Variants in ESRRG observed in about 807,000 individuals in gnomAD.
ESRRG encodes estrogen related receptor gamma.
ESRRG carries 13 observed loss-of-function variants against 44.0 expected under a neutral mutation model. The ratio of observed to expected loss-of-function variants is 0.30; its 90% CI spans 0.19 to 0.47. The LOEUF (loss-of-function observed/expected upper bound fraction) is 0.47. ESRRG is among the 20% of genes least tolerant of loss of function. The probability of loss-of-function intolerance (pLI) is 1.00; values close to 1 mark genes in which losing one functional copy is unlikely to be tolerated. For synonymous variants in ESRRG, 215 were observed against 214.6 expected, an observed-to-expected ratio of 1.00 and a Z score of -0.02; for missense variants, 395 against 580.6, an observed-to-expected ratio of 0.68 and a Z score of 3.29.
intron 1 of ESRRG, among the ~76,000 whole-genome samples, chr1:216,716,022 C>A (rs559431490): frequency 6.6e-6 from 1 of 151,996 alleles, no homozygotes; most frequent in East Asian, 1.9e-4. Flanking sequence ...ATTGAATATG[C>A]CATACAAAAA....
intron 5 of ESRRG, among the ~76,000 whole-genome samples, chr1:216,542,929 C>T (rs886277138): frequency 1.8e-4 from 28 of 152,040 alleles, no homozygotes; most frequent in South Asian, 1.7e-3. Flanking sequence ...CTCCCCCTTC[C>T]CCCCAAGCAC....
chr1:216,508,111 C>A (rs2041696938), intron 6 of ESRRG, among the ~76,000 whole-genome samples: 1 of 152,136 alleles, frequency 6.6e-6, no homozygotes. Flanking sequence ...AATTCTAGTT[C>A]TCTGAGAATG....
At chr1:216,680,202 C>A (rs2076800501) in intron 1 of ESRRG, among the ~76,000 whole-genome samples, 1 of 152,170 alleles carries the variant, frequency 6.6e-6, no homozygotes, top group Non-Finnish European at 1.5e-5. Flanking sequence ...TTATCAAGTG[C>A]TTATTATGTG....
intron 2 of ESRRG, among the ~76,000 whole-genome samples, chr1:216,775,551 C>CTTTTTTTTTTTTTTTTTTTTTT (rs71163765): frequency 2.7e-5 from 2 of 74,786 alleles, no homozygotes; most frequent in East Asian, 3.7e-4. Flanking sequence ...AATGTCACAT[C>CTTTTTTTTTTTTTTTTTTTTTT]TTTTTTTTTT....
At chr1:216,890,142 G>A (rs137998115) in intron 2 of ESRRG, among the ~76,000 whole-genome samples, 26 of 152,158 alleles carry the variant, frequency 1.7e-4, no homozygotes, top group African/African-American at 5.5e-4. Flanking sequence ...GTACATGACT[G>A]TAGTCCCAGT....
At chr1:216,558,565 A>C (rs1558482837) in intron 5 of ESRRG, among the ~76,000 whole-genome samples, 1 of 152,190 alleles carries the variant, frequency 6.6e-6, no homozygotes, top group Non-Finnish European at 1.5e-5. Flanking sequence ...CCTTGAAAAT[A>C]AAAATGAACA....
At chr1:216,838,140 C>T (rs946771843) in intron 2 of ESRRG, among the ~76,000 whole-genome samples, 2 of 152,100 alleles carry the variant, frequency 1.3e-5, no homozygotes, top group Non-Finnish European at 2.9e-5. Context: ...GGTGAAACAC[C>T]TTTCTCTTAC....
At chr1:216,802,114 C>A (rs2094640950) in intron 2 of ESRRG, among the ~76,000 whole-genome samples, 4 of 152,090 alleles carry the variant, frequency 2.6e-5, no homozygotes, top group Admixed American at 2.6e-4. Context: ...AAAGAGCAAA[C>A]CATCCAGTGT....
intron 1 of ESRRG, among the ~76,000 whole-genome samples, chr1:216,983,439 C>T (rs949592275): frequency 1.3e-5 from 2 of 151,698 alleles, no homozygotes; most frequent in Admixed American, 1.3e-4. Flanking sequence ...GCCATGTTGC[C>T]CAGACTGGTC....
intron 3 of ESRRG, among the ~76,000 whole-genome samples, chr1:216,601,925 C>T (rs1465961412): frequency 6.6e-6 from 1 of 152,172 alleles, no homozygotes; most frequent in Non-Finnish European, 1.5e-5. Context: ...AGCCCTACAA[C>T]CGATAGGGCC....
chr1:216,658,233 A>G lies in ESRRG; in HGVS notation c.473-7144T>C, dbSNP rs147565509. 8.4e-4 allele frequency among the ~76,000 whole-genome samples: 128 copies of G among 152,238 alleles called. 2 individuals are homozygous for G. In the East Asian group the frequency reaches 0.016, roughly 20 times the overall value. ...ATTCCTCCACTGTATTGAATGAAAA[A>G]TGCTTAGCTTTTAAAAATGCTATAA... On this transcript the variant is annotated intron_variant, in intron 2 of 6. Transcript: ENST00000408911.
chr1:216,707,094 T>G (rs1042374094), intron 1 of ESRRG, among the ~76,000 whole-genome samples: 17 of 152,342 alleles, frequency 1.1e-4, no homozygotes, highest in African/African-American at 3.6e-4. Flanking sequence ...TCAATAGTCA[T>G]TTACTTTGAT....
At chr1:217,084,050 G>A (rs1267372424) in intron 1 of ESRRG, among the ~76,000 whole-genome samples, 2 of 150,960 alleles carry the variant, frequency 1.3e-5, no homozygotes, top group Non-Finnish European at 2.9e-5. Context: ...TGTATGATAA[G>A]CAATTATACA....
chr1:216,818,929 G>A (rs1204361931), intron 2 of ESRRG, among the ~76,000 whole-genome samples: 1 of 152,024 alleles, frequency 6.6e-6, no homozygotes, highest in East Asian at 1.9e-4. Flanking sequence ...CCATGTCCCG[G>A]CAAAGGACAT....
At chr1:216,967,340 C>T (rs1253501429) in intron 1 of ESRRG, among the ~76,000 whole-genome samples, 1 of 152,094 alleles carries the variant, frequency 6.6e-6, no homozygotes, top group Non-Finnish European at 1.5e-5. Flanking sequence ...ATTATAATAT[C>T]ATACAAAATA....
intron 1 of ESRRG, among the ~76,000 whole-genome samples, chr1:216,994,837 G>A (rs570128459): frequency 5.3e-5 from 8 of 151,970 alleles, no homozygotes; most frequent in African/African-American, 1.4e-4. Flanking sequence ...CACCCACCTC[G>A]GCCTCTCAAA....
intron 2 of ESRRG, among the ~76,000 whole-genome samples, chr1:216,668,106 A>G (rs1400198355): frequency 6.6e-6 from 1 of 152,190 alleles, no homozygotes; most frequent in Non-Finnish European, 1.5e-5. Context: ...CAAAAAATAA[A>G]TAAATAAATA....
intron 2 of ESRRG, among the ~76,000 whole-genome samples, chr1:216,758,235 G>A (rs111697643): frequency 0.02 from 3,026 of 152,038 alleles, 53 homozygotes; most frequent in Non-Finnish European, 0.031. Context: ...TTCTTTTTCA[G>A]TCTCTTGTGG....
intron 1 of ESRRG, among the ~76,000 whole-genome samples, 154 bp from the exon 2 acceptor site, chr1:216,677,645 A>G (rs547907651): frequency 1.3e-5 from 2 of 152,290 alleles, no homozygotes; most frequent in East Asian, 1.9e-4. Flanking sequence ...TGTTAAAGAC[A>G]TTGCTCTTTG....
Sources: allele counts gnomAD v4.1 joint callset (sites outside exome capture counted in the v4.1 genomes callset), GRCh38; gene constraint gnomAD v4.1.1; transcripts MANE v1.5; gene names NCBI Gene and HGNC (gene_info 2026-07-23, HGNC 2026-07-21).